PGAP6: variants seen among roughly 807,000 people sequenced by gnomAD.
PGAP6 encodes the protein post-GPI attachment to proteins 6, also known as post-GPI attachment to proteins factor 6.
Under a neutral mutation model 68.4 loss-of-function variants are expected in PGAP6, and 62 were observed. The ratio of observed to expected loss-of-function variants is 0.91; its 90% CI spans 0.74 to 1.12. The LOEUF (loss-of-function observed/expected upper bound fraction) is 1.12. Among genes scored for constraint, PGAP6 ranks in the 50% most tolerant of loss-of-function variants. The pLI, the probability that PGAP6 is intolerant of heterozygous loss-of-function variation, is 0.00. For missense variants in PGAP6, 1,188 were observed against 1,068.5 expected (o/e 1.11, Z -1.56); for synonymous variants, 575 against 474.0 (o/e 1.21, Z -2.77).
upstream of PGAP6, chr16:382,456 T>A: frequency 2.7e-6 from 1 of 374,564 alleles, no homozygotes; most frequent in East Asian, 3.8e-5. Context: ...GGGCCGGCCT[T>A]CACGCCGCAG....
rs765882227 is a variant in PGAP6, at chr16:375,293, G to A, written c.1316-37C>T. ...CCAGAGGGCCCCATCAGAGGAGGCCGGGGCGGGGGGCTGGCCGGGGCCACG... is the reference window on the plus strand; with the variant it reads ...CCAGAGGGCCCCATCAGAGGAGGCCAGGGCGGGGGGCTGGCCGGGGCCACG... On this transcript the variant is annotated intron_variant, in intron 7 of 12. Coordinates refer to ENST00000431232, the MANE Select transcript of PGAP6 (RefSeq NM_021259.3). 36 of 1,612,470 alleles carry A rather than the reference G, an allele frequency of 2.2e-5. 1 individual carries two copies. In the Admixed American group the frequency reaches 3.2e-4, roughly 14 times the overall value.
Position 381,779 on chromosome 16 carries a change from C to T in PGAP6, c.43G>A (p.Ala15Thr). 8.5e-7 allele frequency: 1 copy of T among 1,181,854 alleles called. No individual in the cohort carries two copies. Among genetic ancestry groups the T allele is most frequent in the Non-Finnish European group, 1.0e-6 (1 of 955,182 alleles). 73.2% of individuals were successfully genotyped at this position (1,181,854 alleles called of 1,614,324 possible). A position where few individuals can be genotyped will look rare whatever the true frequency, so the allele number is the denominator to read the frequency against. The part of the protein sequence containing the change: ...GTGTGGEAVA[A>T]VVAGPLLLLL... The stretch of plus-strand genomic sequence containing the variant: ...AGCAGCAGCGGCCCCGCCACCACCG[C>T]GGCCACCGCCTCGCCCCCGGTCCCG... The change falls in exon 1 of 13, where the codon GCG becomes ACG. Residue 15 changes from alanine to threonine, a missense_variant. By Grantham distance (58) the Ala-to-Thr change is moderately conservative (BLOSUM62 0). Coordinates refer to ENST00000431232, the MANE Select transcript of PGAP6 (RefSeq NM_021259.3).
In PGAP6 at chr16:381,817, C is replaced by T; in HGVS notation, c.5G>A (p.Gly2Asp). 1 of 1,098,236 alleles carries T rather than the reference C, an allele frequency of 9.1e-7. No homozygotes were observed. The highest frequency in any genetic ancestry group is 1.1e-6 in the Non-Finnish European group (1 of 903,096). 68.0% of individuals were successfully genotyped at this position (1,098,236 alleles called of 1,614,324 possible). Residue 2 changes from glycine to aspartate, a missense_variant, in exon 1 of 13, where the codon GGC becomes GAC. Physicochemically the swap from Gly to Asp is moderately conservative, Grantham distance 94. Coordinates refer to ENST00000431232, the MANE Select transcript of PGAP6 (RefSeq NM_021259.3). Reference sequence around the variant, plus strand: ...GCCCCCGGTCCCGGTGCCAGCCCGGCCCATGGCTCCGCGCTCGGCCCGGCG... The same window carrying T: ...GCCCCCGGTCCCGGTGCCAGCCCGGTCCATGGCTCCGCGCTCGGCCCGGCG... MGRAGTGTGGEA... is the reference protein window; with the variant it reads MDRAGTGTGGEA...
At chr16:372,458 C>T (rs2141755700) in intron 12 of PGAP6, 153 bp downstream of exon 12, 2 of 960,854 alleles carry the variant, frequency 2.1e-6, no homozygotes, top group Non-Finnish European at 3.2e-6. Context: ...CTCAGGGACA[C>T]AGCCATGCTG....
intron 1 of PGAP6, among the ~76,000 whole-genome samples, chr16:381,083 G>A (rs2141767227): frequency 6.6e-6 from 1 of 152,370 alleles, no homozygotes; most frequent in East Asian, 1.9e-4. Flanking sequence ...GGACCCTCAG[G>A]GAACAGAAAT....
upstream of PGAP6, among the ~76,000 whole-genome samples, chr16:383,948 C>T (rs912608996): frequency 6.6e-6 from 1 of 152,234 alleles, no homozygotes; most frequent in Non-Finnish European, 1.5e-5. Flanking sequence ...GAAGCCCCGG[C>T]TGAGCCTTAA....
chr16:386,919 C>T (rs772111251), upstream of PGAP6: 49 of 598,014 alleles, frequency 8.2e-5, no homozygotes, highest in East Asian at 8.6e-4. Context: ...CAAGACACTG[C>T]GACGCCGGAG....
chr16:384,354 G>A (rs931321042), upstream of PGAP6: 2 of 152,236 alleles, frequency 1.3e-5, no homozygotes, highest in African/African-American at 4.8e-5. Flanking sequence ...GAAGTCCAGA[G>A]ACGTCTGCTA....
intron 1 of PGAP6, among the ~76,000 whole-genome samples, chr16:380,043 C>G (rs908501838): frequency 6.6e-6 from 1 of 152,226 alleles, no homozygotes; most frequent in African/African-American, 2.4e-5. Context: ...ATGGGAGACC[C>G]TGACCACCCA....
upstream of PGAP6, among the ~76,000 whole-genome samples, chr16:386,279 A>G (rs2054484447): frequency 6.6e-6 from 1 of 152,046 alleles, no homozygotes; most frequent in Non-Finnish European, 1.5e-5. Context: ...TCTCCAAATA[A>G]CCACCCTGTG....
Position 372,712 on chromosome 16 carries a change from CCAG to C in PGAP6, c.1915_1917del (p.Leu639del). On this transcript the variant is annotated inframe_deletion, in exon 12 of 13. Transcript: ENST00000431232. ...AAGGACATGGCGATGACCAGTGTAC[CCAG>C]AAGAAACAGCACCTGCGCAAGACAC... 4 of 1,610,458 alleles carry C rather than the reference CCAG, an allele frequency of 2.5e-6. No individual in the cohort carries two copies. Among genetic ancestry groups the C allele is most frequent in the Non-Finnish European group, 3.4e-6 (4 of 1,178,478 alleles).
chr16:375,636 A>G lies in PGAP6; in HGVS notation c.1225-201T>C, dbSNP rs574996272. On this transcript the variant is annotated intron_variant, in intron 6 of 12. Transcript: ENST00000431232. ...CAACCTCCGCCCCTGGGTTCATGCCATTCTCCCGCCTCAGCCTCCCGAGTA... is the reference window on the plus strand; with the variant it reads ...CAACCTCCGCCCCTGGGTTCATGCCGTTCTCCCGCCTCAGCCTCCCGAGTA... 2.0e-5 allele frequency among the ~76,000 whole-genome samples: 3 copies of G among 149,086 alleles called. No homozygotes were observed. In the East Asian group the frequency reaches 6.0e-4, roughly 30 times the overall value.
upstream of PGAP6, among the ~76,000 whole-genome samples, chr16:386,313 G>A (rs936062917): frequency 6.6e-6 from 1 of 151,876 alleles, no homozygotes. Context: ...TGCTTCCTGT[G>A]TGCAAGACTG....
In PGAP6 at chr16:377,663, C is replaced by T. The variant is rs2054398374; in HGVS notation, c.299+8G>A. On this transcript the variant is annotated splice_region_variant and intron_variant, in intron 2 of 12. Coordinates refer to ENST00000431232, the MANE Select transcript of PGAP6 (RefSeq NM_021259.3). ...GGAGGGTGGGCAGGCGGGCGGGCAG[C>T]CACCTACACGGTGATCTCCGCGTCG... 1 of 1,575,642 alleles carries T rather than the reference C, an allele frequency of 6.3e-7. No individual in the cohort carries two copies.
rs539059704 is a variant in PGAP6, at chr16:372,398, G to A, written c.2020-115C>T. On this transcript the variant is annotated intron_variant, in intron 12 of 12. Transcript: ENST00000431232. ...CCAGGTCTGGGCAGCAGAACGACAA[G>A]GGTGGGCTGCTTCGAGGGGGCTCAA... is the stretch of plus-strand genomic sequence containing the variant. The A allele has an allele frequency of 1.4e-5, 17 of 1,218,788 alleles. No individual in the cohort carries two copies. The East Asian group carries it at 3.6e-4, about 25-fold the overall frequency. The allele number at this position is 1,218,788 out of a possible 1,614,324, so 75.5% of individuals were successfully genotyped here.
At chr16:377,634 C>A (rs776851562) in intron 2 of PGAP6, 37 bp downstream of exon 2, 3 of 1,569,452 alleles carry the variant, frequency 1.9e-6, no homozygotes, top group East Asian at 4.7e-5. Context: ...CTTGGCCAGG[C>A]GCGGGAGGGT....
chr16:374,982 C>T lies in PGAP6; in HGVS notation c.1440-90G>A, dbSNP rs542467347. The T allele has an allele frequency of 2.1e-5, 33 of 1,592,654 alleles. 1 individual carries two copies. In the Admixed American group the frequency reaches 3.7e-4, roughly 18 times the overall value. ...CCCAACAGGCTGACAGACATGAGAA[C>T]GCAGCATTAGGGCCCCCAGCTTTCA... On this transcript the variant is annotated intron_variant, in intron 8 of 12. Coordinates refer to ENST00000431232, the MANE Select transcript of PGAP6 (RefSeq NM_021259.3).
At chr16:386,732 A>C (rs760503493), upstream of PGAP6, 5 of 482,766 alleles carry the variant, frequency 1.0e-5, no homozygotes, top group African/African-American at 8.2e-5. Context: ...AAACCAAAAA[A>C]AAAAAAAAAA....
rs748912314 is a variant in PGAP6 at position 377,374 on chromosome 16, T to G, written c.507+4A>C. 6.3e-7 allele frequency: 1 copy of G among 1,584,022 alleles called. No individual in the cohort carries two copies. The highest frequency in any genetic ancestry group is 8.6e-7 in the Non-Finnish European group (1 of 1,163,032). Reference sequence around the variant, plus strand: ...CCTCCATCCCGGAGGGCAGCCCCCCTCACCTTCAACTCGATCTTCTGGGAT... The same window carrying G: ...CCTCCATCCCGGAGGGCAGCCCCCCGCACCTTCAACTCGATCTTCTGGGAT... On this transcript the variant is annotated splice_donor_region_variant and intron_variant, in intron 3 of 12. Transcript: ENST00000431232.
Sources: allele counts gnomAD v4.1 joint callset (sites outside exome capture counted in the v4.1 genomes callset), GRCh38; gene constraint gnomAD v4.1.1; transcripts MANE v1.5; gene names NCBI Gene and HGNC (gene_info 2026-07-23, HGNC 2026-07-21).